The following TENT4A variants were observed in gnomAD, a reference collection of about 807,000 sequenced individuals.
The protein encoded by TENT4A is terminal nucleotidyltransferase 4A, also known as DNA polymerase kappa.
In TENT4A, 7 loss-of-function variants were observed where a neutral mutation model predicts 72.8. The observed-to-expected ratio is 0.10, with a 90% CI of 0.05 to 0.18. The LOEUF is 0.18. Among genes scored for constraint, TENT4A ranks in the 10% least tolerant of loss-of-function variants. The pLI is 1.00. For synonymous variants in TENT4A, 456 were observed against 434.3 expected (o/e 1.05, Z -0.62); for missense variants, 831 against 1,017.7 (o/e 0.82, Z 2.50).
chr5:6,745,370 T>C (rs1579489600), intron 6 of TENT4A, among the ~76,000 whole-genome samples: 1 of 152,218 alleles, frequency 6.6e-6, no homozygotes, highest in Non-Finnish European at 1.5e-5. Flanking sequence ...CTTTCTCTCA[T>C]GTGCCCTCGT....
intron 1 of TENT4A, among the ~76,000 whole-genome samples, chr5:6,719,536 G>A (rs938028792): frequency 2.6e-5 from 4 of 152,176 alleles, no homozygotes; most frequent in African/African-American, 9.7e-5. Flanking sequence ...AGGTGTGGCT[G>A]GCTTGTCAGT....
In TENT4A at chr5:6,749,668, A is replaced by G; in HGVS notation, c.1687+11A>G. The G allele has an allele frequency of 1.3e-6, 2 of 1,569,412 alleles. No homozygotes were observed. The highest frequency in any genetic ancestry group is 2.2e-5 in the East Asian group (1 of 44,674). ...CGTCGCCAGGCATGGGTGAGAGATT[A>G]ATTCATTTGTGTTCATCCTAACCAC... On this transcript the variant is annotated intron_variant, in intron 9 of 12. Transcript: ENST00000230859.
intron 11 of TENT4A, among the ~76,000 whole-genome samples, chr5:6,752,518 G>A (rs1046976454): frequency 6.6e-6 from 1 of 152,238 alleles, no homozygotes; most frequent in African/African-American, 2.4e-5. Context: ...CCACCAGTTG[G>A]GCCAGCCTTG....
intron 1 of TENT4A, among the ~76,000 whole-genome samples, chr5:6,725,678 C>A (rs1478329432): frequency 6.6e-6 from 1 of 152,206 alleles, no homozygotes; most frequent in African/African-American, 2.4e-5. Flanking sequence ...AAAACTGATC[C>A]GTGGTTTGTT....
chr5:6,752,144 T>C (rs1298322085), intron 11 of TENT4A, among the ~76,000 whole-genome samples: 2 of 152,234 alleles, frequency 1.3e-5, no homozygotes, highest in Non-Finnish European at 2.9e-5. Flanking sequence ...TGGCCATGTG[T>C]CACAAAGGTG....
At chr5:6,753,773 G>A (rs1742542598) in intron 12 of TENT4A, among the ~76,000 whole-genome samples, 1 of 152,202 alleles carries the variant, frequency 6.6e-6, no homozygotes. Context: ...TTATTCTTGA[G>A]GCTTTGTTGG....
In TENT4A at chr5:6,727,973, C is replaced by A. The variant is rs138252666; in HGVS notation, c.717-9537C>A. On this transcript the variant is annotated intron_variant, in intron 1 of 12. Coordinates refer to ENST00000230859, the MANE Select transcript of TENT4A (RefSeq NM_006999.6). ...GGATCCAGTGAGTTCTTTTCTCTGT[C>A]TCCCTCTCTCTCACTCGCTCATACT... Among the ~76,000 whole-genome samples the A allele has an allele frequency of 6.4e-3, 975 of 152,334 alleles. 12 individuals are homozygous for A. Among genetic ancestry groups the A allele is most frequent in the African/African-American group, 0.021 (882 of 41,570 alleles).
At chr5:6,730,988 TAGTTAA>T (rs1344011028) in intron 1 of TENT4A, among the ~76,000 whole-genome samples, 1 of 152,252 alleles carries the variant, frequency 6.6e-6, no homozygotes, top group East Asian at 1.9e-4. Context: ...CCACTCTTCC[TAGTTAA>T]AGTTAAATAT....
intron 6 of TENT4A, 79 bp downstream of exon 6, chr5:6,743,919 C>G (rs978618290): frequency 7.5e-7 from 1 of 1,328,676 alleles, no homozygotes; most frequent in African/African-American, 1.5e-5. Context: ...CTAGTGGGTT[C>G]CAGCAGCCTT....
intron 1 of TENT4A, among the ~76,000 whole-genome samples, chr5:6,719,193 G>A (rs925599136): frequency 1.3e-5 from 2 of 152,132 alleles, no homozygotes; most frequent in Non-Finnish European, 2.9e-5. Flanking sequence ...AGTCTCAAAC[G>A]TTCTTTGGTC....
intron 1 of TENT4A, among the ~76,000 whole-genome samples, chr5:6,728,076 G>A (rs1191841006): frequency 6.6e-6 from 1 of 152,308 alleles, no homozygotes; most frequent in Non-Finnish European, 1.5e-5. Flanking sequence ...CTTGGCGGGG[G>A]CCTCAAGGGG....
At chr5:6,745,941 T>C (rs1177125641) in intron 6 of TENT4A, 1 of 1,048,286 alleles carries the variant, frequency 9.5e-7, no homozygotes, top group Admixed American at 3.9e-5. Flanking sequence ...ATTTGGTTAA[T>C]CAGATATCTG....
intron 1 of TENT4A, among the ~76,000 whole-genome samples, chr5:6,715,429 G>A (rs1307706118): frequency 2.0e-5 from 3 of 152,218 alleles, no homozygotes; most frequent in Non-Finnish European, 4.4e-5. Flanking sequence ...GTGTTTCGGG[G>A]TTGGAATTGT....
In TENT4A at chr5:6,722,149, C is replaced by T. The variant is rs75013662; in HGVS notation, c.716+7450C>T. Among the ~76,000 whole-genome samples the T allele has an allele frequency of 9.5e-4, 144 of 152,210 alleles. 2 individuals are homozygous for T. In the East Asian group the frequency reaches 0.024, roughly 25 times the overall value. On this transcript the variant is annotated intron_variant, in intron 1 of 12. Transcript: ENST00000230859. ...TCACAGGTCTGGCTTTAGCTGGTTT[C>T]GCCATGGTTTCTAACTTGAGCCTCA...
At position 6,715,624 on chromosome 5, in the gene TENT4A, T is replaced by G. The variant is rs534701233; in HGVS notation, c.716+925T>G. 2.6e-5 allele frequency among the ~76,000 whole-genome samples: 4 copies of G among 152,340 alleles called. No individual in the cohort carries two copies. The East Asian group carries it at 5.8e-4, about 22-fold the overall frequency. On this transcript the variant is annotated intron_variant, in intron 1 of 12. Coordinates refer to ENST00000230859, the MANE Select transcript of TENT4A (RefSeq NM_006999.6). ...AAACAATTAAGGATTTGCTGGGGTA[T>G]GAGGGTTGTTGCATGCAGTAGAGTC...
chr5:6,714,176 G>A lies in TENT4A; in HGVS notation c.193G>A (p.Gly65Ser), dbSNP rs1372504764. 2.7e-5 allele frequency: 26 copies of A among 967,354 alleles called. No homozygotes were observed. The highest frequency in any genetic ancestry group is 3.6e-5 in the African/African-American group (2 of 54,976). The allele number at this position is 967,354 out of a possible 1,614,324, so 59.9% of individuals were successfully genotyped here. The part of the protein sequence containing the change: ...GAAGRGSGGL[G>S]PALPAASPPP... The stretch of plus-strand genomic sequence containing the variant: ...GGCCGGGCGGGGCAGTGGCGGCCTG[G>A]GCCCCGCGCTGCCCGCCGCGTCGCC... Residue 65 changes from glycine to serine, a missense_variant, in exon 1 of 13, where the codon GGC becomes AGC. Physicochemically the swap from Gly to Ser is moderately conservative, Grantham distance 56. Coordinates refer to ENST00000230859, the MANE Select transcript of TENT4A (RefSeq NM_006999.6).
intron 7 of TENT4A, among the ~76,000 whole-genome samples, chr5:6,746,698 C>T (rs1023423068): frequency 1.3e-5 from 2 of 152,086 alleles, no homozygotes; most frequent in Non-Finnish European, 2.9e-5. Flanking sequence ...ATAACATATC[C>T]ACCCTAAACC....
rs1742706890 is a variant in TENT4A at position 6,756,470 on chromosome 5, C to G, written c.*1525C>G. On this transcript the variant is annotated 3_prime_UTR_variant, in exon 13 of 13. Coordinates refer to ENST00000230859, the MANE Select transcript of TENT4A (RefSeq NM_006999.6). ...GATGCATGTGCAGCAGTGGGGAGTT[C>G]TAGATTGATCTCTGAATGTGATCGA... is the stretch of plus-strand genomic sequence containing the variant. 6.6e-6 allele frequency: 1 copy of G among 152,394 alleles called. No individual in the cohort carries two copies. The highest frequency in any genetic ancestry group is 1.5e-5 in the Non-Finnish European group (1 of 68,032). The allele number at this position is 152,394 out of a possible 1,614,324, so 9.4% of individuals were successfully genotyped here.
intron 1 of TENT4A, among the ~76,000 whole-genome samples, chr5:6,726,246 A>G (rs909117604): frequency 5.9e-5 from 9 of 152,096 alleles, no homozygotes; most frequent in African/African-American, 2.2e-4. Flanking sequence ...TGTACTTGGG[A>G]CGCGATCTGA....
Sources: gnomAD v4.1 joint callset for allele counts (sites outside exome capture counted in the v4.1 genomes callset) on GRCh38, gnomAD v4.1.1 for gene constraint, MANE v1.5 for transcripts, NCBI Gene and HGNC (gene_info 2026-07-23, HGNC 2026-07-21) for gene names.